The following GRIK2 variants were observed in gnomAD, a reference collection of about 807,000 sequenced individuals.
GRIK2 encodes the protein glutamate ionotropic receptor kainate type subunit 2.
GRIK2 carries 32 observed loss-of-function variants against 100.3 expected under a neutral mutation model. That is an observed-to-expected ratio of 0.32 (90% CI 0.24 to 0.43). The LOEUF (loss-of-function observed/expected upper bound fraction) is 0.43. GRIK2 is among the 20% of genes least tolerant of loss of function. The probability of loss-of-function intolerance (pLI) is 1.00; values close to 1 mark genes in which losing one functional copy is unlikely to be tolerated. For synonymous variants in GRIK2, 417 were observed against 389.4 expected, an observed-to-expected ratio of 1.07 and a Z score of -0.83; for missense variants, 843 against 1,114.9, an observed-to-expected ratio of 0.76 and a Z score of 3.47.
At chr6:101,860,995 T>C (rs948300856) in intron 11 of GRIK2, 1 of 584,046 alleles carries the variant, frequency 1.7e-6, no homozygotes, top group African/African-American at 2.0e-5. Flanking sequence ...CCATACTCGG[T>C]AGGGCTCCAT....
intron 9 of GRIK2, 21 bp downstream of exon 9, chr6:101,802,459 G>C (rs1485032767): frequency 1.9e-6 from 2 of 1,042,026 alleles, no homozygotes; most frequent in Non-Finnish European, 2.9e-6. Flanking sequence ...GAGCTTATTT[G>C]CTTTAATTAC....
At chr6:101,760,198 A>G (rs576561972) in intron 7 of GRIK2, among the ~76,000 whole-genome samples, 8 of 148,086 alleles carry the variant, frequency 5.4e-5, no homozygotes, top group African/African-American at 2.0e-4. Context: ...AAAAATATGT[A>G]TATGTAAAAT....
At chr6:101,568,574 T>C (rs1777388563) in intron 2 of GRIK2, among the ~76,000 whole-genome samples, 1 of 152,072 alleles carries the variant, frequency 6.6e-6, no homozygotes, top group Non-Finnish European at 1.5e-5. Context: ...GAATTGCATC[T>C]GGTTATAAGA....
intron 2 of GRIK2, among the ~76,000 whole-genome samples, chr6:101,464,493 CTTTCTTTTTTTTTTTTTTTTTTT>C (rs1198697446): frequency 4.6e-4 from 25 of 53,914 alleles, no homozygotes; most frequent in Admixed American, 3.5e-3. Context: ...TTTTCTTTTT[CTTTCTTTTTTTTTTTTTTTTTTT>C]TTTTTTTTTT....
intron 2 of GRIK2, among the ~76,000 whole-genome samples, chr6:101,417,142 G>T (rs747026353): frequency 3.0e-4 from 46 of 152,170 alleles, no homozygotes; most frequent in Non-Finnish European, 6.2e-4. Flanking sequence ...GAGAATGTGT[G>T]CAGGGGAACT....
intron 4 of GRIK2, among the ~76,000 whole-genome samples, chr6:101,644,731 G>T (rs1372760450): frequency 2.6e-5 from 4 of 151,716 alleles, no homozygotes; most frequent in Admixed American, 6.6e-5. Context: ...AACATTAAAA[G>T]GTTATTAAGT....
At chr6:101,505,446 A>G (rs1429831942) in intron 2 of GRIK2, among the ~76,000 whole-genome samples, 2 of 152,144 alleles carry the variant, frequency 1.3e-5, no homozygotes, top group African/African-American at 4.8e-5. Context: ...TCAATGTTTC[A>G]GGTGTCAGTG....
At chr6:101,458,581 T>C (rs2128251598) in intron 2 of GRIK2, among the ~76,000 whole-genome samples, 1 of 152,342 alleles carries the variant, frequency 6.6e-6, no homozygotes, top group Admixed American at 6.5e-5. Flanking sequence ...TTCTAGGCAC[T>C]GCAGATACAA....
At chr6:101,771,203 AAAG>A (rs1399453930) in intron 7 of GRIK2, among the ~76,000 whole-genome samples, 1 of 152,096 alleles carries the variant, frequency 6.6e-6, no homozygotes, top group East Asian at 1.9e-4. Context: ...TTAAGAGCAA[AAAG>A]AAGCATATTA....
chr6:101,658,095 G>A (rs1012565347), intron 4 of GRIK2, among the ~76,000 whole-genome samples: 7 of 152,012 alleles, frequency 4.6e-5, no homozygotes, highest in African/African-American at 1.7e-4. Flanking sequence ...TGGGATACAT[G>A]TGCAGAATAT....
chr6:101,665,487 A>G (rs1013583089), intron 4 of GRIK2, among the ~76,000 whole-genome samples: 2 of 152,208 alleles, frequency 1.3e-5, no homozygotes, highest in African/African-American at 2.4e-5. Flanking sequence ...TCTAGTAGAC[A>G]CTGAATATGG....
chr6:101,783,629 G>A (rs1779243591), intron 7 of GRIK2, among the ~76,000 whole-genome samples: 1 of 152,148 alleles, frequency 6.6e-6, no homozygotes, highest in African/African-American at 2.4e-5. Context: ...CAGGAAAGTG[G>A]GGAAAAGTTT....
chr6:101,761,222 A>G (rs1051078717), intron 7 of GRIK2, among the ~76,000 whole-genome samples: 2 of 152,196 alleles, frequency 1.3e-5, no homozygotes, highest in African/African-American at 2.4e-5. Flanking sequence ...TTCCATGGCT[A>G]CAAATGGAAA....
intron 2 of GRIK2, among the ~76,000 whole-genome samples, chr6:101,481,389 C>T (rs1358021628): frequency 6.6e-6 from 1 of 152,078 alleles, no homozygotes; most frequent in Non-Finnish European, 1.5e-5. Flanking sequence ...AGTTCCCACT[C>T]TACATGTGGA....
chr6:101,557,671 A>T (rs745907738), intron 2 of GRIK2, among the ~76,000 whole-genome samples: 4 of 152,202 alleles, frequency 2.6e-5, no homozygotes, highest in African/African-American at 4.8e-5. Flanking sequence ...AAGCCGCTCT[A>T]TAAGAATAGA....
intron 2 of GRIK2, among the ~76,000 whole-genome samples, chr6:101,416,949 T>C (rs766262000): frequency 6.6e-6 from 1 of 152,178 alleles, no homozygotes; most frequent in African/African-American, 2.4e-5. Flanking sequence ...TCAATGTTAG[T>C]GCAGCAAAAA....
chr6:101,687,049 G>A (rs1255314174), intron 7 of GRIK2, among the ~76,000 whole-genome samples: 1 of 151,924 alleles, frequency 6.6e-6, no homozygotes, highest in African/African-American at 2.4e-5. Flanking sequence ...GTTTGTTTAA[G>A]CTACTATGTA....
intron 2 of GRIK2, among the ~76,000 whole-genome samples, chr6:101,541,380 A>C (rs1441821670): frequency 7.6e-3 from 11 of 1,438 alleles, no homozygotes; most frequent in South Asian, 0.04. Context: ...ACACAACCAC[A>C]CACACACACA....
chr6:102,045,979 T>C (rs1049648254), intron 15 of GRIK2, among the ~76,000 whole-genome samples: 8 of 152,054 alleles, frequency 5.3e-5, no homozygotes, highest in African/African-American at 1.9e-4. Context: ...TTTAAGAGTA[T>C]TCATAACTGA....
Sources: gnomAD v4.1 joint callset for allele counts (sites outside exome capture counted in the v4.1 genomes callset) on GRCh38, gnomAD v4.1.1 for gene constraint, MANE v1.5 for transcripts, NCBI Gene and HGNC (gene_info 2026-07-23, HGNC 2026-07-21) for gene names.